Variants in MYO16 observed in about 807,000 individuals in gnomAD.
The protein encoded by MYO16 is unconventional myosin-XVI.
In MYO16, 94 loss-of-function variants were observed where a neutral mutation model predicts 205.3. That is an observed-to-expected ratio of 0.46 (90% confidence interval 0.39 to 0.54). The LOEUF (loss-of-function observed/expected upper bound fraction) is 0.54, where lower values mean the gene tolerates loss of function less well. MYO16 is among the 20% of genes least tolerant of loss of function. The probability of loss-of-function intolerance (pLI) is 0.00; values close to 1 mark genes in which losing one functional copy is unlikely to be tolerated. For synonymous variants in MYO16, 988 were observed against 954.0 expected (o/e 1.04, Z -0.66); for missense variants, 2,315 against 2,387.5 (o/e 0.97, Z 0.63).
chr13:109,200,014 T>C (rs1046654513), intron 34 of MYO16, among the ~76,000 whole-genome samples: 6 of 152,222 alleles, frequency 3.9e-5, no homozygotes, highest in Admixed American at 3.9e-4. Flanking sequence ...GCTTTTTCTC[T>C]ATGAGAAGAG....
chr13:108,880,956 G>A (rs1486765295), intron 12 of MYO16, among the ~76,000 whole-genome samples: 1 of 152,084 alleles, frequency 6.6e-6, no homozygotes, highest in African/African-American at 2.4e-5. Context: ...CCTTGGGCAT[G>A]GAGTTTGAGA....
the MYO16 span, among the ~76,000 whole-genome samples, chr13:108,552,576 A>G: frequency 0.049 from 7,434 of 152,178 alleles, 558 homozygotes; most frequent in African/African-American, 0.16. Context: ...GAGTGCATCC[A>G]ACCTGTTTGT....
intron 27 of MYO16, among the ~76,000 whole-genome samples, chr13:109,079,269 G>T (rs9514977): frequency 0.48 from 73,177 of 151,818 alleles, 17,872 homozygotes; most frequent in Middle Eastern, 0.55. Context: ...GCCTCCTATT[G>T]ATTGTCCATT....
rs1566377272 is a variant in MYO16, at chr13:108,866,172, C to T, written c.1360-5C>T. 6.3e-7 allele frequency: 1 copy of T among 1,593,108 alleles called. No individual in the cohort carries two copies. Among genetic ancestry groups the T allele is most frequent in the Non-Finnish European group, 8.6e-7 (1 of 1,167,774 alleles). ...CATGAACTGTTTGCATCCCTTTTTT[C>T]ACAGACATTCATTGGAGACATTCTT... On this transcript the variant is annotated splice_polypyrimidine_tract_variant and splice_region_variant and intron_variant, in intron 11 of 34. Transcript: ENST00000457511.
At chr13:109,068,858 T>C (rs1054404450) in intron 27 of MYO16, among the ~76,000 whole-genome samples, 2 of 152,184 alleles carry the variant, frequency 1.3e-5, no homozygotes, top group Admixed American at 1.3e-4. Context: ...CCCAAAGTGC[T>C]GGAATTACAG....
chr13:108,666,226 G>T (rs1173042723), intron 2 of MYO16, 77 bp downstream of exon 2: 21 of 1,435,810 alleles, frequency 1.5e-5, no homozygotes, highest in Non-Finnish European at 1.9e-5. Flanking sequence ...TTGTTTTTTT[G>T]ATGGAGAGAT....
intron 1 of MYO16, among the ~76,000 whole-genome samples, chr13:108,654,406 C>T (rs750978570): frequency 1.1e-4 from 16 of 152,306 alleles, no homozygotes; most frequent in Non-Finnish European, 2.2e-4. Flanking sequence ...CTTGCTGCTG[C>T]CATGTAAGAA....
At chr13:108,678,894 C>T (rs562901259) in intron 2 of MYO16, among the ~76,000 whole-genome samples, 31 of 152,106 alleles carry the variant, frequency 2.0e-4, no homozygotes, top group Non-Finnish European at 4.4e-4. Context: ...AGTCCAAGGT[C>T]GGGGGTCTGG....
chr13:108,928,794 T>TATGACA (rs1882124428), intron 16 of MYO16, among the ~76,000 whole-genome samples: 2 of 152,222 alleles, frequency 1.3e-5, no homozygotes, highest in East Asian at 3.8e-4. Context: ...GGTAAGCCAA[T>TATGACA]GATAGCTTCA....
At chr13:109,197,403 GT>G (rs1311885253) in intron 34 of MYO16, among the ~76,000 whole-genome samples, 2 of 151,444 alleles carry the variant, frequency 1.3e-5, no homozygotes, top group Admixed American at 6.6e-5. Flanking sequence ...TACCCCCAAG[GT>G]TTTTTTTTAA....
chr13:109,073,011 A>T (rs773812760), intron 27 of MYO16, among the ~76,000 whole-genome samples: 46 of 152,192 alleles, frequency 3.0e-4, no homozygotes, highest in Non-Finnish European at 6.2e-4. Context: ...ACATTAGGAT[A>T]TTCAAATCCA....
chr13:108,879,484 G>A lies in MYO16; in HGVS notation c.1426-3575G>A, dbSNP rs560408244. Among the ~76,000 whole-genome samples, 17 of 152,060 alleles carry A rather than the reference G, an allele frequency of 1.1e-4. No individual in the cohort carries two copies. The South Asian group carries it at 3.1e-3, about 28-fold the overall frequency. On this transcript the variant is annotated intron_variant, in intron 12 of 34. Coordinates refer to ENST00000457511, the MANE Select transcript of MYO16 (RefSeq NM_001198950.3). Reference sequence around the variant, plus strand: ...CCCGTTAATTCATCATTTACATTAGGTATATCTCCTAATGCTATCCCTCCC... The same window carrying A: ...CCCGTTAATTCATCATTTACATTAGATATATCTCCTAATGCTATCCCTCCC...
chr13:108,565,955 G>A, the MYO16 span, among the ~76,000 whole-genome samples: 6 of 150,258 alleles, frequency 4.0e-5, no homozygotes, highest in Non-Finnish European at 8.9e-5. Context: ...GAGGATTTTT[G>A]CATCAATATT....
intron 20 of MYO16, among the ~76,000 whole-genome samples, chr13:108,984,130 C>G (rs1302521800): frequency 1.3e-5 from 2 of 152,176 alleles, no homozygotes; most frequent in Non-Finnish European, 2.9e-5. Flanking sequence ...TCACTACTTT[C>G]TGCCATAATG....
chr13:108,631,621 T>G (rs888592102), intron 1 of MYO16, among the ~76,000 whole-genome samples: 9 of 152,180 alleles, frequency 5.9e-5, no homozygotes. Context: ...TGACAGTCTA[T>G]AAAATGGAAA....
chr13:108,928,135 A>G (rs763545152), intron 16 of MYO16, among the ~76,000 whole-genome samples: 5 of 151,988 alleles, frequency 3.3e-5, no homozygotes, highest in Non-Finnish European at 7.4e-5. Flanking sequence ...CTACAAGGAG[A>G]GAGGGATGGG....
At chr13:109,048,590 C>T (rs1178817643) in intron 24 of MYO16, 1 of 368,804 alleles carries the variant, frequency 2.7e-6, no homozygotes, top group East Asian at 3.9e-5. Flanking sequence ...CCATGTTTGG[C>T]TCAGGAGCCA....
the MYO16 span, among the ~76,000 whole-genome samples, chr13:108,503,561 A>G: frequency 6.6e-6 from 1 of 152,174 alleles, no homozygotes; most frequent in Non-Finnish European, 1.5e-5. Context: ...GCTCAAGTTA[A>G]TCCCATGCCA....
intron 1 of MYO16, among the ~76,000 whole-genome samples, chr13:108,641,693 C>A (rs930223202): frequency 6.6e-6 from 1 of 152,174 alleles, no homozygotes; most frequent in East Asian, 1.9e-4. Flanking sequence ...TGAGATTGAA[C>A]CCCTTCCACA....
Sources: allele counts gnomAD v4.1 joint callset (sites outside exome capture counted in the v4.1 genomes callset), GRCh38; gene constraint gnomAD v4.1.1; transcripts MANE v1.5; gene names NCBI Gene and HGNC (gene_info 2026-07-23, HGNC 2026-07-21).